Variants in TRPM5 observed in about 807,000 individuals in gnomAD.
TRPM5 encodes transient receptor potential cation channel subfamily M member 5.
A neutral mutation model predicts 124.9 loss-of-function variants in TRPM5; 121 were observed. That is an observed-to-expected ratio of 0.97 (90% CI 0.84 to 1.13). The LOEUF (loss-of-function observed/expected upper bound fraction) is 1.13, where lower values mean the gene tolerates loss of function less well. TRPM5 is among the 50% of genes most tolerant of loss of function. TRPM5 has a pLI of 0.00. For missense variants in TRPM5, 1,643 were observed against 1,589.1 expected, an observed-to-expected ratio of 1.03 and a Z score of -0.58; for synonymous variants, 781 against 700.5, an observed-to-expected ratio of 1.11 and a Z score of -1.81.
At position 2,417,848 on chromosome 11, in the gene TRPM5, C is replaced by T. The variant is rs375824257; in HGVS notation, c.907-19G>A. On this transcript the variant is annotated intron_variant, in intron 6 of 23. Transcript: ENST00000155858. Reference sequence around the variant, plus strand: ...TCTGCAGCTGGGCACCAGAACAGAGCCCCCATGGGGCCGCCTCAGCCAGGA... The same window carrying T: ...TCTGCAGCTGGGCACCAGAACAGAGTCCCCATGGGGCCGCCTCAGCCAGGA... The T allele has an allele frequency of 2.8e-5, 44 of 1,560,424 alleles. No homozygotes were observed. Among genetic ancestry groups the T allele is most frequent in the Non-Finnish European group, 3.1e-5 (36 of 1,151,298 alleles).
Position 2,415,137 on chromosome 11 carries a change from C to G in TRPM5, c.1463G>C (p.Gly488Ala), listed in dbSNP as rs767722053. ...CCCGCTCACCGCCCTCCTGCGGTCCCCTGGCCGGCCGTCCTGGTAGAAGCC... is the reference window on the plus strand; with the variant it reads ...CCCGCTCACCGCCCTCCTGCGGTCCGCTGGCCGGCCGTCCTGGTAGAAGCC... The change falls in exon 9 of 24, where the codon GGG becomes GCG. Residue 488 changes from glycine (G) to alanine (A), a missense_variant. Physicochemically the swap from Gly to Ala is moderately conservative, Grantham distance 60. Transcript: ENST00000155858. 4 of 1,569,770 alleles carry G rather than the reference C, an allele frequency of 2.5e-6. No homozygotes were observed. Among genetic ancestry groups the G allele is most frequent in the Middle Eastern group, 1.7e-4 (1 of 5,952 alleles).
At chr11:2,407,943 C>A in intron 18 of TRPM5, 31 bp from the exon 24 acceptor site, 1 of 1,606,284 alleles carries the variant, frequency 6.2e-7, no homozygotes. Flanking sequence ...GGGGACCAGA[C>A]CGGGGGCAGC....
chr11:2,420,244 C>A, exon 4 of TRPM5: 1 of 1,607,518 alleles, frequency 6.2e-7, no homozygotes, highest in Non-Finnish European at 8.5e-7. Flanking sequence ...CCCTCTGCTC[C>A]GAGATGTGCT....
rs1850446942 is a variant in TRPM5, at chr11:2,411,344, G to C, written c.2782+8C>G. 1 of 1,584,268 alleles carries C rather than the reference G, an allele frequency of 6.3e-7. No individual in the cohort carries two copies. The highest frequency in any genetic ancestry group is 1.3e-5 in the African/African-American group (1 of 74,432). ...CCCTGCCCCTGCCCCCGCTGGCTGT[G>C]TGCAAACCATCAATCTCGTCCAGTG... is the stretch of plus-strand genomic sequence containing the variant. On this transcript the variant is annotated splice_region_variant and intron_variant, in intron 18 of 23. Transcript: ENST00000155858.
chr11:2,434,694 T>A, the TRPM5 span, among the ~76,000 whole-genome samples: 1 of 151,450 alleles, frequency 6.6e-6, no homozygotes, highest in Non-Finnish European at 1.5e-5. Flanking sequence ...CTGCACTGTG[T>A]GTGTGTCTGT....
intron 18 of TRPM5, chr11:2,410,559 G>T: frequency 3.0e-6 from 1 of 332,504 alleles, no homozygotes; most frequent in South Asian, 2.2e-5. Context: ...TCCTCACTGA[G>T]TCCCAGCCAT....
the TRPM5 span, among the ~76,000 whole-genome samples, chr11:2,428,464 G>GTGGCGGTGGTGGTGGTGATGATGT: frequency 6.6e-6 from 1 of 151,942 alleles, no homozygotes; most frequent in South Asian, 2.1e-4. This position sits in a 1 kb window ranked among gnomAD's most constrained non-coding sequence, Gnocchi z 4.0. Context: ...GGTGATGATG[G>GTGGCGGTGGTGGTGGTGATGATGT]TGGCAGTAGT....
chr11:2,405,201 C>T (rs777281479), intron 23 of TRPM5, among the ~76,000 whole-genome samples, 158 bp from the exon 29 acceptor site: 1 of 152,242 alleles, frequency 6.6e-6, no homozygotes, highest in Non-Finnish European at 1.5e-5. Context: ...CAGAGACAAC[C>T]AGGCCTCTGC....
intron 18 of TRPM5, among the ~76,000 whole-genome samples, chr11:2,410,327 G>A (rs1850419814): frequency 6.6e-6 from 1 of 152,204 alleles, no homozygotes; most frequent in Non-Finnish European, 1.5e-5. Flanking sequence ...TTTATCGAGG[G>A]TCCTGAGCGC....
chr11:2,414,862 C>T (rs1219820844), intron 10 of TRPM5, 24 bp from the exon 16 acceptor site: 1 of 1,589,286 alleles, frequency 6.3e-7, no homozygotes, highest in Non-Finnish European at 8.6e-7. Flanking sequence ...TCTCAGGAGG[C>T]CGCCCCTCCC....
At chr11:2,413,641 C>T (rs1251037911) in intron 12 of TRPM5, 53 bp from the exon 18 acceptor site, 26 of 1,525,408 alleles carry the variant, frequency 1.7e-5, no homozygotes, top group South Asian at 3.5e-5. Flanking sequence ...GCCCAGGCTG[C>T]GCCCTGCCCC....
At chr11:2,418,197 A>G (rs1438477582) in exon 6 of TRPM5, 3 of 1,583,054 alleles carry the variant, frequency 1.9e-6, no homozygotes, top group South Asian at 2.3e-5. Context: ...TGTCCTCCCA[A>G]GAGAAATGCT....
intron 12 of TRPM5, 130 bp downstream of exon 17, chr11:2,413,930 AC>A: frequency 7.7e-7 from 1 of 1,300,100 alleles, no homozygotes; most frequent in Non-Finnish European, 1.1e-6. Context: ...CAGAAGCCCC[AC>A]CCCGCCCCCT....
intron 18 of TRPM5, 73 bp from the exon 24 acceptor site, chr11:2,407,985 A>T: frequency 6.4e-7 from 1 of 1,564,532 alleles, no homozygotes; most frequent in Non-Finnish European, 8.7e-7. Context: ...ATGCCCCGAG[A>T]TAGAGCGCTG....
chr11:2,405,896 T>A, intron 22 of TRPM5, 123 bp downstream of exon 27: 1 of 922,396 alleles, frequency 1.1e-6, no homozygotes, highest in East Asian at 2.6e-5. Context: ...ACTGGGGTGC[T>A]CCTGTCCTGG....
At chr11:2,409,018 G>C (rs569162636) in intron 18 of TRPM5, among the ~76,000 whole-genome samples, 4 of 152,302 alleles carry the variant, frequency 2.6e-5, no homozygotes, top group East Asian at 3.9e-4. Context: ...GTTCTGGGGG[G>C]TCTCCTTGTT....
chr11:2,426,223 C>T (rs373858299), upstream of TRPM5, among the ~76,000 whole-genome samples: 3 of 152,160 alleles, frequency 2.0e-5, no homozygotes, highest in Non-Finnish European at 2.9e-5. Context: ...TCAGGGAAGC[C>T]GAGTAGCAGC....
exon 24 of TRPM5, chr11:2,404,783 G>GT: frequency 1.6e-6 from 1 of 609,302 alleles, no homozygotes; most frequent in Non-Finnish European, 2.9e-6. Flanking sequence ...GTTCCTTTGG[G>GT]TGAGGGTCTG....
exon 24 of TRPM5, chr11:2,404,987 A>G: frequency 6.2e-7 from 1 of 1,612,768 alleles, no homozygotes; most frequent in Non-Finnish European, 8.5e-7. Flanking sequence ...CAGCCATCTA[A>G]ACCACCTCTG....
Sources: allele counts gnomAD v4.1 joint callset (sites outside exome capture counted in the v4.1 genomes callset), GRCh38; gene constraint gnomAD v4.1.1; non-coding constraint Gnocchi (gnomAD v3.1); transcripts MANE v1.5; gene names NCBI Gene and HGNC (gene_info 2026-07-23, HGNC 2026-07-21).